The following INSR variants were observed in gnomAD, a reference collection of about 807,000 sequenced individuals.
The protein encoded by INSR is IR.
Under a neutral mutation model 142.6 loss-of-function variants are expected in INSR, and 67 were observed. The ratio of observed to expected loss-of-function variants is 0.47; its 90% CI spans 0.39 to 0.58. The LOEUF is 0.58. Ranked by LOEUF, INSR falls within the 20% of genes least tolerant of loss-of-function variation. INSR has a pLI of 0.00. For missense variants in INSR, 1,248 were observed against 1,833.2 expected (o/e 0.68, Z 5.83); for synonymous variants, 756 against 743.1 (o/e 1.02, Z -0.28).
chr19:7,229,742 G>A (rs554918404), intron 2 of INSR, among the ~76,000 whole-genome samples: 9 of 150,276 alleles, frequency 6.0e-5, no homozygotes, highest in Middle Eastern at 3.2e-3. Context: ...GAATTACTCT[G>A]GAGGATACAT....
chr19:7,229,076 T>G (rs1202809850), intron 2 of INSR, among the ~76,000 whole-genome samples: 1 of 149,870 alleles, frequency 6.7e-6, no homozygotes, highest in East Asian at 2.0e-4. Context: ...GATGAGTGGA[T>G]GTATGGATGG....
At chr19:7,153,713 G>C (rs1353319853) in intron 9 of INSR, among the ~76,000 whole-genome samples, 2 of 151,944 alleles carry the variant, frequency 1.3e-5, no homozygotes, top group African/African-American at 4.8e-5. Flanking sequence ...GTAGAACCCT[G>C]TCTCAAAAGA....
chr19:7,289,407 T>C (rs1968430431), intron 1 of INSR, among the ~76,000 whole-genome samples: 1 of 99,376 alleles, frequency 1.0e-5, no homozygotes, highest in Admixed American at 1.1e-4. Flanking sequence ...TTTCTTTTCT[T>C]TTTTTTTTTT....
intron 2 of INSR, among the ~76,000 whole-genome samples, chr19:7,194,424 G>GAAA (rs112107715): frequency 3.4e-5 from 5 of 148,068 alleles, no homozygotes; most frequent in African/African-American, 1.0e-4. Context: ...CTCAAAAAAA[G>GAAA]AAAAAAAAAT....
chr19:7,135,731 A>G (rs942846141), intron 13 of INSR, among the ~76,000 whole-genome samples: 1 of 151,872 alleles, frequency 6.6e-6, no homozygotes, highest in Non-Finnish European at 1.5e-5. Context: ...AGCACTTTGG[A>G]AGGCCGAGGC....
chr19:7,164,092 T>TAA (rs4031077), intron 8 of INSR, among the ~76,000 whole-genome samples: 18,634 of 79,778 alleles, frequency 0.23, 2,337 homozygotes, highest in South Asian at 0.31. Context: ...GAAACTCCGT[T>TAA]AAAAAAAAAA....
intron 5 of INSR, among the ~76,000 whole-genome samples, chr19:7,171,748 T>C (rs925597613): frequency 1.3e-5 from 2 of 152,146 alleles, no homozygotes; most frequent in Non-Finnish European, 2.9e-5. Flanking sequence ...GCTCCCACTT[T>C]TGTTTCTCAA....
chr19:7,240,586 A>C (rs1976309921), intron 2 of INSR, among the ~76,000 whole-genome samples: 1 of 152,192 alleles, frequency 6.6e-6, no homozygotes, highest in Non-Finnish European at 1.5e-5. Flanking sequence ...AAATAAATAA[A>C]TAAATAGATT....
At chr19:7,286,340 G>A (rs775037637) in intron 1 of INSR, among the ~76,000 whole-genome samples, 4 of 151,992 alleles carry the variant, frequency 2.6e-5, no homozygotes, top group African/African-American at 4.8e-5. Context: ...TTACCTCCCT[G>A]GACATGAATG....
chr19:7,284,541 G>T (rs61025915), intron 1 of INSR, among the ~76,000 whole-genome samples: 6,509 of 151,334 alleles, frequency 0.043, 470 homozygotes, highest in African/African-American at 0.15. Context: ...TTTTGTTGTT[G>T]TTTTTTGTTT....
intron 2 of INSR, among the ~76,000 whole-genome samples, chr19:7,189,988 T>C (rs1032328077): frequency 5.3e-5 from 8 of 151,538 alleles, no homozygotes; most frequent in Admixed American, 3.3e-4. Context: ...TATTAGGAAC[T>C]AGACTCAAGG....
rs1483784864 is a variant in INSR, at chr19:7,168,816, C to T, written c.1484-722G>A. 6.6e-6 allele frequency among the ~76,000 whole-genome samples: 1 copy of T among 151,942 alleles called. No individual in the cohort carries two copies. The highest frequency in any genetic ancestry group is 1.5e-5 in the Non-Finnish European group (1 of 67,982). ...ATGGAGTTTCACCACATTGGCCAGG[C>T]TGGTCTCGAACTCCTGACCTCAAGT... On this transcript the variant is annotated intron_variant, in intron 6 of 21. Transcript: ENST00000302850. This position sits in a 1 kb window ranked among gnomAD's most constrained non-coding sequence, Gnocchi z 4.3.
intron 2 of INSR, among the ~76,000 whole-genome samples, chr19:7,195,791 A>T (rs909096912): frequency 1.3e-5 from 2 of 152,072 alleles, no homozygotes; most frequent in Non-Finnish European, 2.9e-5. Context: ...TAGGAAAAAA[A>T]ATCTATATAG....
chr19:7,231,619 A>G (rs1361939393), intron 2 of INSR, among the ~76,000 whole-genome samples: 5 of 151,694 alleles, frequency 3.3e-5, no homozygotes, highest in African/African-American at 1.2e-4. Context: ...TCTTGATAAG[A>G]GTTTAAAGTG....
intron 2 of INSR, among the ~76,000 whole-genome samples, chr19:7,248,669 A>T (rs536145970): frequency 6.6e-6 from 1 of 151,932 alleles, no homozygotes; most frequent in Admixed American, 6.6e-5. Context: ...TACAGTAGAC[A>T]ACCCACGCCA....
At chr19:7,229,917 C>T (rs1360370716) in intron 2 of INSR, among the ~76,000 whole-genome samples, 1 of 152,032 alleles carries the variant, frequency 6.6e-6, no homozygotes, top group Non-Finnish European at 1.5e-5. Flanking sequence ...AAGTCAGTGC[C>T]ACCATGCTCA....
At position 7,116,272 on chromosome 19, in the gene INSR, G is replaced by C. The variant is rs1051651; in HGVS notation, c.*784C>G. 35,171 of 151,414 alleles carry C rather than the reference G, an allele frequency of 0.23. 4,330 individuals are homozygous for C. Among genetic ancestry groups the C allele is most frequent in the East Asian group, 0.38 (1,942 of 5,114 alleles). The allele number at this position is 151,414 out of a possible 1,614,324, so 9.4% of individuals were successfully genotyped here. ...CTGACACAAGAAGAATCTGTCGAGAGCACAGTCTCCCAGTCAATAAGAAGG... is the reference window on the plus strand; with the variant it reads ...CTGACACAAGAAGAATCTGTCGAGACCACAGTCTCCCAGTCAATAAGAAGG... On this transcript the variant is annotated 3_prime_UTR_variant, in exon 22 of 22. Transcript: ENST00000302850.
intron 2 of INSR, among the ~76,000 whole-genome samples, chr19:7,213,426 G>A (rs1044546452): frequency 2.0e-4 from 30 of 151,038 alleles, no homozygotes; most frequent in Admixed American, 1.9e-3. Flanking sequence ...GAATTATTAT[G>A]CAGCATTCAC....
At chr19:7,117,781 A>AT (rs1390857129) in intron 21 of INSR, among the ~76,000 whole-genome samples, 1 of 150,704 alleles carries the variant, frequency 6.6e-6, no homozygotes, top group Admixed American at 6.6e-5. Flanking sequence ...TAATTTTTGT[A>AT]TTTTTTGCAG....
Sources: gnomAD v4.1 joint callset for allele counts (sites outside exome capture counted in the v4.1 genomes callset) on GRCh38, gnomAD v4.1.1 for gene constraint, Gnocchi (gnomAD v3.1) non-coding constraint, MANE v1.5 for transcripts, NCBI Gene and HGNC (gene_info 2026-07-23, HGNC 2026-07-21) for gene names.